Variants in JMJD1C observed in about 807,000 individuals in gnomAD.
JMJD1C encodes jumonji domain-containing protein 1C.
JMJD1C carries 31 observed loss-of-function variants against 245.3 expected under a neutral mutation model. That is an observed-to-expected ratio of 0.13 (90% CI 0.09 to 0.17). The LOEUF (loss-of-function observed/expected upper bound fraction) is 0.17, where lower values mean the gene tolerates loss of function less well. Among genes scored for constraint, JMJD1C ranks in the 10% least tolerant of loss-of-function variants. The pLI, the probability that JMJD1C is intolerant of heterozygous loss-of-function variation, is 1.00. For missense variants in JMJD1C, 2,691 were observed against 3,000.2 expected (o/e 0.90, Z 2.41); for synonymous variants, 1,057 against 1,017.4 (o/e 1.04, Z -0.74).
chr10:63,280,276 G>A (rs1363826203), intron 2 of JMJD1C, among the ~76,000 whole-genome samples: 1 of 151,352 alleles, frequency 6.6e-6, no homozygotes. Flanking sequence ...TAGGCCACAC[G>A]CGGTTGCTCA....
At chr10:63,265,724 CAG>C (rs1376398387) in intron 2 of JMJD1C, among the ~76,000 whole-genome samples, 5 of 152,144 alleles carry the variant, frequency 3.3e-5, no homozygotes, top group African/African-American at 1.2e-4. Context: ...GTTCGGAAAA[CAG>C]AATTAATAAT....
intron 3 of JMJD1C, chr10:63,222,911 T>C: frequency 2.0e-6 from 3 of 1,501,514 alleles, no homozygotes; most frequent in East Asian, 4.5e-5. Flanking sequence ...AAGTGGGCAC[T>C]GCTTAAAAGA....
At chr10:63,340,248 C>G (rs1036539646) in intron 2 of JMJD1C, among the ~76,000 whole-genome samples, 3 of 152,096 alleles carry the variant, frequency 2.0e-5, no homozygotes, top group African/African-American at 4.8e-5. Flanking sequence ...AAAAAAAGAC[C>G]CTCTCAGCCC....
intron 2 of JMJD1C, among the ~76,000 whole-genome samples, chr10:63,288,492 C>T (rs1367269578): frequency 1.3e-5 from 2 of 152,186 alleles, no homozygotes; most frequent in Non-Finnish European, 2.9e-5. Context: ...GTGTTTTCAA[C>T]TCATTTGGGT....
In JMJD1C at chr10:63,496,364, G is replaced by GA. The variant is rs200682899; in HGVS notation, n.113+25373dup. The stretch of plus-strand genomic sequence containing the variant: ...TCAACTTGAACTATTTTTAAAAAGA[G>GA]AAAAAAAAATAAGATAATTGGGGAA... On this transcript the variant is annotated intron_variant and non_coding_transcript_variant, in intron 1 of 3. Coordinates refer to the JMJD1C transcript ENST00000633035. 4.8e-3 allele frequency among the ~76,000 whole-genome samples: 731 copies of GA among 150,856 alleles called. 5 individuals carry two copies. The highest frequency in any genetic ancestry group is 0.014 in the Middle Eastern group (4 of 294).
chr10:63,290,587 T>C (rs988718600), intron 2 of JMJD1C, among the ~76,000 whole-genome samples: 2 of 152,068 alleles, frequency 1.3e-5, no homozygotes, highest in African/African-American at 4.8e-5. Context: ...AAGTAGATGG[T>C]AAAAAGCTTC....
At chr10:63,475,975 G>T (rs1372368174) in intron 1 of JMJD1C, among the ~76,000 whole-genome samples, 1 of 152,086 alleles carries the variant, frequency 6.6e-6, no homozygotes, top group Non-Finnish European at 1.5e-5. Context: ...TTGGGAGGCT[G>T]AAGTGGGTGG....
chr10:63,440,782 T>C (rs1951337298), intron 1 of JMJD1C, among the ~76,000 whole-genome samples: 1 of 152,170 alleles, frequency 6.6e-6, no homozygotes, highest in Non-Finnish European at 1.5e-5. Context: ...ACACTAAGTG[T>C]GCACAACCAG....
At chr10:63,350,055 G>A (rs1047079470) in intron 2 of JMJD1C, among the ~76,000 whole-genome samples, 9 of 152,012 alleles carry the variant, frequency 5.9e-5, no homozygotes, top group African/African-American at 2.2e-4. Flanking sequence ...TATAAAAGAA[G>A]ACAAAAAGAA....
chr10:63,286,618 T>C (rs748908656), intron 2 of JMJD1C, among the ~76,000 whole-genome samples: 2 of 152,120 alleles, frequency 1.3e-5, no homozygotes, highest in Admixed American at 1.3e-4. Context: ...TGTAGCTCTT[T>C]GAACCACATA....
chr10:63,485,566 T>C (rs187362805), intron 1 of JMJD1C, among the ~76,000 whole-genome samples: 8 of 152,264 alleles, frequency 5.3e-5, no homozygotes, highest in Admixed American at 1.3e-4. Context: ...ATTCTCAAAA[T>C]TAACAAAGAG....
chr10:63,483,775 A>G (rs1490759255), intron 1 of JMJD1C, among the ~76,000 whole-genome samples: 2 of 152,156 alleles, frequency 1.3e-5, no homozygotes, highest in African/African-American at 4.8e-5. Context: ...AATGTAATTC[A>G]TTTCTCAATA....
intron 2 of JMJD1C, among the ~76,000 whole-genome samples, chr10:63,347,067 ATTTTTT>A (rs71025162): frequency 9.6e-6 from 1 of 104,182 alleles, no homozygotes; most frequent in African/African-American, 3.7e-5. Context: ...AATGAAAAGA[ATTTTTT>A]TTTTTTTTTT....
chr10:63,271,867 G>A (rs1856342782), intron 2 of JMJD1C, among the ~76,000 whole-genome samples: 1 of 152,148 alleles, frequency 6.6e-6, no homozygotes, highest in Non-Finnish European at 1.5e-5. Flanking sequence ...TTGAGGTCAA[G>A]AGTTTGAGAC....
At chr10:63,382,768 C>T in intron 1 of JMJD1C, 1 of 455,724 alleles carries the variant, frequency 2.2e-6, no homozygotes, top group South Asian at 1.6e-5. Context: ...TATTTTTATC[C>T]TAATTCTGCC....
At chr10:63,349,722 G>GA (rs1202187803) in intron 2 of JMJD1C, among the ~76,000 whole-genome samples, 1 of 152,094 alleles carries the variant, frequency 6.6e-6, no homozygotes, top group Non-Finnish European at 1.5e-5. Flanking sequence ...ATAGGTGGGG[G>GA]AAAAGTATGA....
chr10:63,243,523 T>C (rs1397553377), intron 3 of JMJD1C, among the ~76,000 whole-genome samples: 2 of 152,026 alleles, frequency 1.3e-5, no homozygotes, highest in East Asian at 1.9e-4. Context: ...CAAAATTCTG[T>C]CTCAAAAAAA....
chr10:63,379,335 A>T (rs761113065), intron 2 of JMJD1C, among the ~76,000 whole-genome samples: 4 of 152,170 alleles, frequency 2.6e-5, no homozygotes, highest in Non-Finnish European at 5.9e-5. Context: ...AAATATTGCA[A>T]ATTTGTTATA....
chr10:63,372,412 T>C (rs1946386173), intron 2 of JMJD1C, among the ~76,000 whole-genome samples: 1 of 152,216 alleles, frequency 6.6e-6, no homozygotes, highest in African/African-American at 2.4e-5. Flanking sequence ...TAATTTTACA[T>C]TTTTCCCCTT....
Sources: allele counts gnomAD v4.1 joint callset (sites outside exome capture counted in the v4.1 genomes callset), GRCh38; gene constraint gnomAD v4.1.1; transcripts MANE v1.5; gene names NCBI Gene and HGNC (gene_info 2026-07-23, HGNC 2026-07-21).